GRM1: variants seen among roughly 807,000 people sequenced by gnomAD.
GRM1 encodes glutamate metabotropic receptor 1.
GRM1 carries 33 observed loss-of-function variants against 90.9 expected under a neutral mutation model. The observed-to-expected ratio is 0.36, with a 90% CI of 0.28 to 0.49. The LOEUF is 0.49. Among genes scored for constraint, GRM1 ranks in the 20% least tolerant of loss-of-function variants. The pLI, the probability that GRM1 is intolerant of heterozygous loss-of-function variation, is 0.99. For missense variants in GRM1, 1,190 were observed against 1,534.3 expected, an observed-to-expected ratio of 0.78 and a Z score of 3.75; for synonymous variants, 700 against 613.2, an observed-to-expected ratio of 1.14 and a Z score of -2.09.
chr6:146,267,279 G>A (rs149766685), intron 2 of GRM1, among the ~76,000 whole-genome samples: 1 of 152,066 alleles, frequency 6.6e-6, no homozygotes, highest in African/African-American at 2.4e-5. Flanking sequence ...TTTTTATCCA[G>A]TCTGTCATTG....
At chr6:146,038,843 T>C (rs1378127913) in intron 1 of GRM1, among the ~76,000 whole-genome samples, 2 of 151,964 alleles carry the variant, frequency 1.3e-5, no homozygotes, top group East Asian at 3.9e-4. Context: ...TTGCTGATAG[T>C]ATGTTCAAGA....
intron 1 of GRM1, among the ~76,000 whole-genome samples, chr6:146,070,088 C>T (rs1472558777): frequency 1.3e-5 from 2 of 152,090 alleles, no homozygotes. Flanking sequence ...TAAATAGAAC[C>T]TGGTTGCTGC....
At chr6:146,327,420 A>G (rs1301295108) in intron 3 of GRM1, among the ~76,000 whole-genome samples, 3 of 152,226 alleles carry the variant, frequency 2.0e-5, no homozygotes, top group Non-Finnish European at 4.4e-5. Context: ...CCAGTTGTTT[A>G]CAGTGCTTCA....
chr6:146,285,135 G>A (rs1271802225), intron 2 of GRM1, among the ~76,000 whole-genome samples: 1 of 152,084 alleles, frequency 6.6e-6, no homozygotes, highest in Non-Finnish European at 1.5e-5. Flanking sequence ...CTTTGATGGA[G>A]GCATGTACCA....
Position 146,086,094 on chromosome 6 carries a change from A to G in GRM1, c.700+55877A>G, listed in dbSNP as rs369326697. 2.3e-3 allele frequency among the ~76,000 whole-genome samples: 343 copies of G among 152,238 alleles called. 12 individuals are homozygous for G. In the South Asian group the frequency reaches 0.05, roughly 22 times the overall value. On this transcript the variant is annotated intron_variant, in intron 1 of 7. Coordinates refer to ENST00000282753, the MANE Select transcript of GRM1 (RefSeq NM_001278064.2). ...GTGATTTGATAGTGGAATAGTATGT[A>G]TTATTATTAGATTTGAAAGGAGCCC...
intron 2 of GRM1, among the ~76,000 whole-genome samples, chr6:146,290,915 T>G (rs917195368): frequency 2.6e-5 from 4 of 152,028 alleles, no homozygotes; most frequent in African/African-American, 9.7e-5. Flanking sequence ...GTGACTGTAT[T>G]TTGAATGTGG....
chr6:146,224,654 G>A (rs4895693), intron 2 of GRM1, among the ~76,000 whole-genome samples: 33,486 of 152,086 alleles, frequency 0.22, 7,589 homozygotes, highest in African/African-American at 0.58. Context: ...GTAATAGTAA[G>A]CAACTTTGTA....
At chr6:146,187,970 TG>T (rs2114570579) in intron 2 of GRM1, among the ~76,000 whole-genome samples, 1 of 152,256 alleles carries the variant, frequency 6.6e-6, no homozygotes, top group South Asian at 2.1e-4. Context: ...AATATCCAGT[TG>T]GTAAAATAGC....
chr6:146,207,705 T>C (rs1399304532), intron 2 of GRM1, among the ~76,000 whole-genome samples: 1 of 152,166 alleles, frequency 6.6e-6, no homozygotes, highest in East Asian at 1.9e-4. Context: ...ACTAAAAGTA[T>C]AGAAAGACAA....
intron 2 of GRM1, among the ~76,000 whole-genome samples, chr6:146,301,937 A>G (rs1449505456): frequency 1.3e-5 from 2 of 152,130 alleles, no homozygotes; most frequent in African/African-American, 2.4e-5. Flanking sequence ...CAGGTCATTT[A>G]CCATGAGGGA....
intron 2 of GRM1, among the ~76,000 whole-genome samples, chr6:146,161,441 T>G (rs1777722174): frequency 6.6e-6 from 1 of 152,190 alleles, no homozygotes; most frequent in South Asian, 2.1e-4. Context: ...CTCCTAATAA[T>G]GCAATTGAAC....
intron 2 of GRM1, among the ~76,000 whole-genome samples, chr6:146,256,540 A>G (rs1436054991): frequency 2.6e-5 from 4 of 152,058 alleles, no homozygotes. Context: ...TGTGTATGAT[A>G]AGTTTATCTA....
intron 2 of GRM1, among the ~76,000 whole-genome samples, chr6:146,199,982 C>G (rs1779248352): frequency 6.6e-6 from 1 of 152,080 alleles, no homozygotes; most frequent in Non-Finnish European, 1.5e-5. Context: ...TTAACTGTTT[C>G]TAGGGAAGAG....
At chr6:146,095,713 T>C (rs570748724) in intron 1 of GRM1, among the ~76,000 whole-genome samples, 1 of 152,188 alleles carries the variant, frequency 6.6e-6, no homozygotes, top group East Asian at 1.9e-4. Context: ...TCAATAAATG[T>C]GTTGGATGAA....
At chr6:146,304,472 A>C in intron 2 of GRM1, 139 bp from the exon 3 acceptor site, 1 of 713,784 alleles carries the variant, frequency 1.4e-6, no homozygotes, top group Non-Finnish European at 2.5e-6. Context: ...CTCTACCAAA[A>C]AAAAAGTTGA....
intron 2 of GRM1, 195 bp downstream of exon 2, chr6:146,159,792 G>T: frequency 1.7e-6 from 1 of 578,680 alleles, no homozygotes; most frequent in South Asian, 2.0e-5. Flanking sequence ...GCATCTTCCT[G>T]CTAAACAACA....
chr6:146,244,217 A>ATCTCTTT lies in GRM1; in HGVS notation c.951-60394_951-60393insTCTCTTT, dbSNP rs1200008153. Among the ~76,000 whole-genome samples the ATCTCTTT allele has an allele frequency of 8.5e-4, 130 of 152,212 alleles. 1 individual carries two copies. Among genetic ancestry groups the ATCTCTTT allele is most frequent in the Admixed American group, 7.2e-4 (11 of 15,262 alleles). On this transcript the variant is annotated intron_variant, in intron 2 of 7. Coordinates refer to ENST00000282753, the MANE Select transcript of GRM1 (RefSeq NM_001278064.2). ...ATGACAGGATTAAGAGATTAAAGTAAAGACAGGCATAGGAAATCACAAGAG... is the reference window on the plus strand; with the variant it reads ...ATGACAGGATTAAGAGATTAAAGTAATCTCTTTAGACAGGCATAGGAAATCACAAGAG...
intron 1 of GRM1, among the ~76,000 whole-genome samples, chr6:146,089,929 C>G (rs1776662483): frequency 1.3e-5 from 2 of 152,002 alleles, no homozygotes. Flanking sequence ...CTGCAAATTG[C>G]TTTTTAAAAC....
At chr6:146,114,121 T>C (rs1165623616) in intron 1 of GRM1, among the ~76,000 whole-genome samples, 1 of 152,210 alleles carries the variant, frequency 6.6e-6, no homozygotes, top group Admixed American at 6.5e-5. Context: ...CTGTGGACTC[T>C]GATGCGTAAT....
Sources: gnomAD v4.1 joint callset for allele counts (sites outside exome capture counted in the v4.1 genomes callset) on GRCh38, gnomAD v4.1.1 for gene constraint, MANE v1.5 for transcripts, NCBI Gene and HGNC (gene_info 2026-07-23, HGNC 2026-07-21) for gene names.